ROR2: variants seen among roughly 807,000 people sequenced by gnomAD.
The protein encoded by ROR2 is tyrosine-protein kinase transmembrane receptor ROR2.
Under a neutral mutation model 74.9 loss-of-function variants are expected in ROR2, and 33 were observed. The observed-to-expected ratio is 0.44, with a 90% confidence interval of 0.33 to 0.59. The LOEUF (loss-of-function observed/expected upper bound fraction) is 0.59. ROR2 is among the 20% of genes least tolerant of loss of function. The pLI, the probability that ROR2 is intolerant of heterozygous loss-of-function variation, is 0.02. For missense variants in ROR2, 1,216 were observed against 1,313.8 expected (o/e 0.93, Z 1.15); for synonymous variants, 586 against 558.7 (o/e 1.05, Z -0.69).
intron 2 of ROR2, among the ~76,000 whole-genome samples, chr9:91,773,411 C>T (rs116530212): frequency 6.6e-6 from 1 of 152,274 alleles, no homozygotes; most frequent in African/African-American, 2.4e-5. Context: ...GCACCACCCC[C>T]GACACCAGAC....
intron 1 of ROR2, among the ~76,000 whole-genome samples, chr9:91,882,800 G>C (rs933231468): frequency 6.6e-6 from 1 of 152,148 alleles, no homozygotes; most frequent in Admixed American, 6.5e-5. Context: ...CGTGAAAACA[G>C]AGGGAGAAAG....
At chr9:91,852,826 T>G (rs1020050230) in intron 1 of ROR2, among the ~76,000 whole-genome samples, 2 of 152,238 alleles carry the variant, frequency 1.3e-5, no homozygotes, top group South Asian at 2.1e-4. Context: ...TTCTGAAGAC[T>G]TCTTTCTCCT....
At chr9:91,834,331 C>T (rs571626883) in intron 1 of ROR2, among the ~76,000 whole-genome samples, 1 of 152,224 alleles carries the variant, frequency 6.6e-6, no homozygotes, top group Admixed American at 6.5e-5. Context: ...CGCGTGCAAA[C>T]CCACCATCCA....
At chr9:91,744,505 G>A (rs546565558) in intron 4 of ROR2, among the ~76,000 whole-genome samples, 4 of 152,190 alleles carry the variant, frequency 2.6e-5, no homozygotes, top group South Asian at 2.1e-4. Context: ...GATTACACGC[G>A]TGAGCCACCA....
At chr9:91,728,556 G>A (rs9409650) in intron 7 of ROR2, among the ~76,000 whole-genome samples, 64,628 of 151,858 alleles carry the variant, frequency 0.43, 14,465 homozygotes, top group Non-Finnish European at 0.49. Context: ...TTAGCCTCCC[G>A]ACTAGCTGGG....
At chr9:91,897,893 G>T (rs1280877324) in intron 1 of ROR2, among the ~76,000 whole-genome samples, 1 of 152,184 alleles carries the variant, frequency 6.6e-6, no homozygotes, top group African/African-American at 2.4e-5. Flanking sequence ...CTGAGGATGT[G>T]TGGTGAGGAA....
intron 4 of ROR2, among the ~76,000 whole-genome samples, chr9:91,741,030 G>A (rs1034575755): frequency 8.5e-5 from 13 of 152,070 alleles, no homozygotes; most frequent in South Asian, 2.1e-4. Flanking sequence ...GGCCGGGTGC[G>A]GTGGCTCACG....
intron 2 of ROR2, among the ~76,000 whole-genome samples, chr9:91,773,346 C>T (rs1826301819): frequency 6.6e-6 from 1 of 152,078 alleles, no homozygotes; most frequent in South Asian, 2.1e-4. Context: ...CTCTGCTTCT[C>T]CTCAAACCGT....
chr9:91,911,921 CCTGAGT>C (rs1466962937), intron 1 of ROR2, among the ~76,000 whole-genome samples: 1 of 127,552 alleles, frequency 7.8e-6, no homozygotes, highest in African/African-American at 3.5e-5. Context: ...GTGTCCATTA[CCTGAGT>C]CTAAGCAAAA....
At chr9:91,757,122 G>T in intron 3 of ROR2, 150 bp downstream of exon 3, 3 of 992,662 alleles carry the variant, frequency 3.0e-6, no homozygotes, top group South Asian at 1.4e-5. Flanking sequence ...GGGCCCTGGG[G>T]CACATGGGGA....
chr9:91,746,588 C>T (rs949259305), intron 4 of ROR2, among the ~76,000 whole-genome samples: 5 of 152,046 alleles, frequency 3.3e-5, no homozygotes, highest in African/African-American at 1.2e-4. Context: ...ATCCACTTGG[C>T]GAGAGGTGCC....
rs113823844 is a variant in ROR2, at chr9:91,816,656, C to T, written c.98-40838G>A. The stretch of plus-strand genomic sequence containing the variant: ...TATGCAGGGCCCTCCCTGGCATCCG[C>T]GATCCCCTCCTTCAGTGGGTCCTTG... On this transcript the variant is annotated intron_variant, in intron 1 of 8. Transcript: ENST00000375708. 1.9e-3 allele frequency among the ~76,000 whole-genome samples: 293 copies of T among 152,198 alleles called. 7 individuals are homozygous for T. Among genetic ancestry groups the T allele is most frequent in the African/African-American group, 6.3e-3 (262 of 41,524 alleles).
chr9:91,819,572 TTC>T (rs751366796), intron 1 of ROR2, among the ~76,000 whole-genome samples: 4 of 151,756 alleles, frequency 2.6e-5, no homozygotes, highest in Non-Finnish European at 5.9e-5. Flanking sequence ...TGTCTGAATA[TTC>T]TGTGTGTCTC....
intron 1 of ROR2, among the ~76,000 whole-genome samples, chr9:91,922,513 G>A (rs1564040776): frequency 6.6e-6 from 1 of 151,726 alleles, no homozygotes; most frequent in Non-Finnish European, 1.5e-5. Context: ...GAGTGCAGTG[G>A]CATGATCTCA....
intron 1 of ROR2, among the ~76,000 whole-genome samples, chr9:91,884,402 A>T (rs1404364472): frequency 6.7e-6 from 1 of 148,748 alleles, no homozygotes; most frequent in Non-Finnish European, 1.5e-5. Flanking sequence ...GGGTGGGGGG[A>T]GGCTTCAGGC....
intron 1 of ROR2, among the ~76,000 whole-genome samples, chr9:91,818,519 G>A (rs905148845): frequency 1.3e-5 from 2 of 151,476 alleles, no homozygotes; most frequent in African/African-American, 4.9e-5. Context: ...GACCCCAGGG[G>A]AGCTGGAGAC....
At chr9:91,909,310 A>G (rs978083510) in intron 1 of ROR2, among the ~76,000 whole-genome samples, 1 of 152,068 alleles carries the variant, frequency 6.6e-6, no homozygotes, top group Non-Finnish European at 1.5e-5. Flanking sequence ...GTCATCACTG[A>G]TTGGAAAACC....
At chr9:91,884,004 A>G (rs146439665) in intron 1 of ROR2, among the ~76,000 whole-genome samples, 61 of 152,330 alleles carry the variant, frequency 4.0e-4, no homozygotes, top group Middle Eastern at 3.4e-3. Flanking sequence ...AGAAACCCAG[A>G]GAGAAAGCAC....
intron 5 of ROR2, among the ~76,000 whole-genome samples, chr9:91,737,120 C>G (rs943428960): frequency 6.6e-6 from 1 of 152,242 alleles, no homozygotes; most frequent in Non-Finnish European, 1.5e-5. Context: ...GCTTTGGACC[C>G]ACACGGTTTG....
Sources: allele counts gnomAD v4.1 joint callset (sites outside exome capture counted in the v4.1 genomes callset), GRCh38; gene constraint gnomAD v4.1.1; transcripts MANE v1.5; gene names NCBI Gene and HGNC (gene_info 2026-07-23, HGNC 2026-07-21).